Variants in HS3ST4 observed in about 807,000 individuals in gnomAD.
HS3ST4 encodes the protein heparan sulfate-glucosamine 3-sulfotransferase 4, also known as heparan sulfate glucosamine 3-O-sulfotransferase 4.
HS3ST4 carries 17 observed loss-of-function variants against 29.2 expected under a neutral mutation model. The ratio of observed to expected loss-of-function variants is 0.58; its 90% CI spans 0.40 to 0.87. HS3ST4 has a LOEUF of 0.87. Ranked by LOEUF, HS3ST4 falls within the 40% of genes least tolerant of loss-of-function variation. The probability of loss-of-function intolerance (pLI) is 0.00; values close to 1 mark genes in which losing one functional copy is unlikely to be tolerated. For missense variants in HS3ST4, 627 were observed against 634.5 expected (o/e 0.99, Z 0.13); for synonymous variants, 314 against 285.7 (o/e 1.10, Z -1.00).
intron 1 of HS3ST4, among the ~76,000 whole-genome samples, chr16:25,701,193 C>T (rs535260417): frequency 4.3e-4 from 65 of 152,300 alleles, no homozygotes; most frequent in African/African-American, 1.4e-3. Context: ...CATTCCTAGA[C>T]AAACATATTT....
chr16:25,807,131 C>A (rs942430733), intron 1 of HS3ST4, among the ~76,000 whole-genome samples: 10 of 152,116 alleles, frequency 6.6e-5, no homozygotes, highest in Admixed American at 2.0e-4. Context: ...TGCTACCATG[C>A]CTGGCTAATT....
rs1253690090 is a variant in HS3ST4, at chr16:26,082,088, C to T, written c.735-53524C>T. Among the ~76,000 whole-genome samples, 3 of 152,172 alleles carry T rather than the reference C, an allele frequency of 2.0e-5. No homozygotes were observed. In the East Asian group the frequency reaches 5.8e-4, roughly 29 times the overall value. ...GGGATTACAGGCATGAGCCACCGGACACGGCCGGGAGTGCATTCTTTGAAA... is the reference window on the plus strand; with the variant it reads ...GGGATTACAGGCATGAGCCACCGGATACGGCCGGGAGTGCATTCTTTGAAA... On this transcript the variant is annotated intron_variant, in intron 1 of 1. Coordinates refer to ENST00000331351, the MANE Select transcript of HS3ST4 (RefSeq NM_006040.3).
intron 1 of HS3ST4, among the ~76,000 whole-genome samples, chr16:25,748,849 G>C (rs567865744): frequency 1.3e-5 from 2 of 152,288 alleles, no homozygotes; most frequent in South Asian, 4.1e-4. Context: ...TTTTATACTG[G>C]TTTAGAATAA....
chr16:25,955,012 C>T (rs1295064493), intron 1 of HS3ST4, among the ~76,000 whole-genome samples: 2 of 152,154 alleles, frequency 1.3e-5, no homozygotes, highest in Non-Finnish European at 2.9e-5. Flanking sequence ...GGCAGCTTTT[C>T]ACCTAGAAGC....
intron 1 of HS3ST4, among the ~76,000 whole-genome samples, chr16:25,905,874 C>G (rs140328755): frequency 1.0e-3 from 157 of 152,266 alleles, no homozygotes; most frequent in African/African-American, 3.7e-3. Flanking sequence ...TATCTTTGCG[C>G]ATCAGGGCAG....
intron 1 of HS3ST4, among the ~76,000 whole-genome samples, chr16:25,965,336 G>A (rs1260022348): frequency 2.0e-5 from 3 of 151,600 alleles, no homozygotes; most frequent in Non-Finnish European, 4.4e-5. Flanking sequence ...AATTGAACCT[G>A]GGAGGCGGAG....
At chr16:25,693,250 C>G in intron 1 of HS3ST4, 99 bp downstream of exon 1, 1 of 1,314,774 alleles carries the variant, frequency 7.6e-7, no homozygotes, top group Non-Finnish European at 1.0e-6. Context: ...GGCACCGTCC[C>G]GAGAGGCCCA....
chr16:25,854,732 A>G (rs979345382), intron 1 of HS3ST4, among the ~76,000 whole-genome samples: 1 of 150,136 alleles, frequency 6.7e-6, no homozygotes, highest in African/African-American at 2.5e-5. Flanking sequence ...GTTATAATCC[A>G]CTGTTATTTT....
intron 1 of HS3ST4, among the ~76,000 whole-genome samples, chr16:25,978,636 A>G (rs1466032946): frequency 6.6e-6 from 1 of 152,158 alleles, no homozygotes; most frequent in African/African-American, 2.4e-5. Context: ...TCAAACCTCA[A>G]TTTTCTCATC....
At chr16:26,133,070 T>A (rs1899440686) in intron 1 of HS3ST4, among the ~76,000 whole-genome samples, 1 of 152,178 alleles carries the variant, frequency 6.6e-6, no homozygotes, top group Non-Finnish European at 1.5e-5. Context: ...GAGTATACTT[T>A]TTTCTAGATC....
chr16:25,821,279 G>A (rs144853768), intron 1 of HS3ST4, among the ~76,000 whole-genome samples: 3,811 of 152,004 alleles, frequency 0.025, 75 homozygotes, highest in Non-Finnish European at 0.037. Flanking sequence ...GGATGGTCTC[G>A]ATCTCCTGAC....
At chr16:25,790,274 A>G (rs1437492868) in intron 1 of HS3ST4, among the ~76,000 whole-genome samples, 1 of 152,084 alleles carries the variant, frequency 6.6e-6, no homozygotes, top group Non-Finnish European at 1.5e-5. Flanking sequence ...GCTGGATGTG[A>G]TGGCAGGTGC....
intron 1 of HS3ST4, among the ~76,000 whole-genome samples, chr16:25,881,864 A>G (rs1267801663): frequency 2.7e-5 from 4 of 147,226 alleles, no homozygotes; most frequent in Admixed American, 1.3e-4. Flanking sequence ...TGACTATGAA[A>G]TTGATTTTAT....
intron 1 of HS3ST4, among the ~76,000 whole-genome samples, chr16:25,812,826 C>T (rs74014107): frequency 6.6e-6 from 1 of 152,014 alleles, no homozygotes; most frequent in African/African-American, 2.4e-5. Context: ...CTCTGTCTCT[C>T]GAGTAGCTGG....
At chr16:25,730,664 C>T (rs59960265) in intron 1 of HS3ST4, among the ~76,000 whole-genome samples, 5,943 of 147,930 alleles carry the variant, frequency 0.04, 445 homozygotes, top group African/African-American at 0.14. Context: ...TCCCTCTCTT[C>T]CTTCTCTCCC....
At chr16:25,896,532 A>G (rs1968067306) in intron 1 of HS3ST4, among the ~76,000 whole-genome samples, 1 of 152,234 alleles carries the variant, frequency 6.6e-6, no homozygotes, top group Admixed American at 6.5e-5. Context: ...AAAAGGCAAC[A>G]TTTATACACT....
At position 25,965,973 on chromosome 16, in the gene HS3ST4, C is replaced by T. The variant is rs866220177; in HGVS notation, c.735-169639C>T. ...GGATTACAAGTGTGAACCATTGCAC[C>T]TGGCCCCATGTTGTTTAATTTAACA... On this transcript the variant is annotated intron_variant, in intron 1 of 1. Transcript: ENST00000331351. Among the ~76,000 whole-genome samples, 4 of 152,178 alleles carry T rather than the reference C, an allele frequency of 2.6e-5. No individual in the cohort carries two copies. In the South Asian group the frequency reaches 6.2e-4, roughly 24 times the overall value.
intron 1 of HS3ST4, among the ~76,000 whole-genome samples, chr16:26,084,774 T>A (rs887348472): frequency 6.6e-6 from 1 of 152,118 alleles, no homozygotes; most frequent in Non-Finnish European, 1.5e-5. Context: ...TTGTTGTTTT[T>A]TTTTTAATTT....
intron 1 of HS3ST4, among the ~76,000 whole-genome samples, chr16:25,879,194 G>C (rs1967867325): frequency 6.6e-6 from 1 of 152,136 alleles, no homozygotes; most frequent in Admixed American, 6.5e-5. Flanking sequence ...CCACAATTTA[G>C]GAGGCTTTTG....
Sources: gnomAD v4.1 joint callset for allele counts (sites outside exome capture counted in the v4.1 genomes callset) on GRCh38, gnomAD v4.1.1 for gene constraint, MANE v1.5 for transcripts, NCBI Gene and HGNC (gene_info 2026-07-23, HGNC 2026-07-21) for gene names.